The following PPP2R2B variants were observed in gnomAD, a reference collection of about 807,000 sequenced individuals.
PPP2R2B encodes the protein serine/threonine-protein phosphatase 2A 55 kDa regulatory subunit B beta isoform.
In PPP2R2B, 5 loss-of-function variants were observed where a neutral mutation model predicts 46.0. The ratio of observed to expected loss-of-function variants is 0.11; its 90% CI spans 0.06 to 0.23. The LOEUF is 0.23. Among genes scored for constraint, PPP2R2B ranks in the 10% least tolerant of loss-of-function variants. The probability of loss-of-function intolerance (pLI) is 1.00; values close to 1 mark genes in which losing one functional copy is unlikely to be tolerated. For missense variants in PPP2R2B, 367 were observed against 575.0 expected (o/e 0.64, Z 3.70); for synonymous variants, 215 against 206.7 (o/e 1.04, Z -0.34).
chr5:147,063,860 C>A (rs1043426684), intron 2 of PPP2R2B, among the ~76,000 whole-genome samples: 2 of 152,186 alleles, frequency 1.3e-5, no homozygotes, highest in Non-Finnish European at 2.9e-5. Flanking sequence ...TGTAGGCTAA[C>A]ACTTAGAGAT....
chr5:146,756,989 T>C (rs953829300), intron 2 of PPP2R2B, among the ~76,000 whole-genome samples: 3 of 151,926 alleles, frequency 2.0e-5, no homozygotes, highest in Admixed American at 1.3e-4. Context: ...CAATGGAGAG[T>C]GGAGCTAGAG....
At chr5:146,916,883 GC>G (rs546388257) in intron 1 of PPP2R2B, among the ~76,000 whole-genome samples, 2 of 152,070 alleles carry the variant, frequency 1.3e-5, no homozygotes, top group South Asian at 4.1e-4. Context: ...CCTCTTAATA[GC>G]TGTGTAACTT....
intron 1 of PPP2R2B, among the ~76,000 whole-genome samples, chr5:146,953,018 T>C (rs1010746320): frequency 2.6e-5 from 4 of 152,166 alleles, no homozygotes; most frequent in Non-Finnish European, 5.9e-5. Flanking sequence ...AGATAAAATA[T>C]GTAAAAATGA....
chr5:146,970,757 C>T (rs542260083), intron 1 of PPP2R2B, among the ~76,000 whole-genome samples: 37 of 152,272 alleles, frequency 2.4e-4, no homozygotes, highest in South Asian at 2.1e-4. Flanking sequence ...TTCTTAAAAA[C>T]TCCCTCACCA....
At chr5:146,676,820 T>C (rs1188132625) in intron 5 of PPP2R2B, among the ~76,000 whole-genome samples, 2 of 152,190 alleles carry the variant, frequency 1.3e-5, no homozygotes, top group Non-Finnish European at 2.9e-5. Context: ...GCTTGTGGAA[T>C]TAGTTTTTAA....
At chr5:146,885,185 C>T (rs1258968959) in intron 1 of PPP2R2B, among the ~76,000 whole-genome samples, 3 of 152,172 alleles carry the variant, frequency 2.0e-5, no homozygotes, top group Non-Finnish European at 2.9e-5. Flanking sequence ...TTTATTCTAA[C>T]AACAGCCTCT....
At chr5:147,005,495 G>A (rs1754394617) in intron 1 of PPP2R2B, among the ~76,000 whole-genome samples, 1 of 152,160 alleles carries the variant, frequency 6.6e-6, no homozygotes, top group African/African-American at 2.4e-5. Context: ...AACCTCTGGG[G>A]GAACCCCCAC....
At chr5:146,600,208 T>G (rs1771642541) in intron 8 of PPP2R2B, 83 bp downstream of exon 8, 1 of 1,484,086 alleles carries the variant, frequency 6.7e-7, no homozygotes, top group Non-Finnish European at 9.2e-7. Flanking sequence ...TTTGCTGCAC[T>G]GTAAACCTTT....
intron 2 of PPP2R2B, among the ~76,000 whole-genome samples, chr5:146,876,482 C>A (rs981554411): frequency 4.6e-5 from 7 of 152,216 alleles, no homozygotes; most frequent in African/African-American, 1.7e-4. Flanking sequence ...CCAAGGCCAA[C>A]TTCTCTCTTG....
At chr5:147,030,821 C>T (rs943907674) in intron 1 of PPP2R2B, among the ~76,000 whole-genome samples, 3 of 152,052 alleles carry the variant, frequency 2.0e-5, no homozygotes, top group East Asian at 1.9e-4. Context: ...CTTTACATGA[C>T]GTTATTATTT....
intron 5 of PPP2R2B, among the ~76,000 whole-genome samples, chr5:146,686,688 G>A (rs1481070673): frequency 1.3e-5 from 2 of 152,108 alleles, no homozygotes; most frequent in Admixed American, 6.6e-5. Context: ...TTTGTAACAG[G>A]TAAAAATGCC....
intron 2 of PPP2R2B, among the ~76,000 whole-genome samples, chr5:146,765,623 T>C (rs1343055576): frequency 6.6e-6 from 1 of 152,258 alleles, no homozygotes; most frequent in Non-Finnish European, 1.5e-5. Flanking sequence ...GCTTTGTTTC[T>C]TAACATCTAC....
At chr5:147,004,210 C>T (rs990089786) in intron 1 of PPP2R2B, among the ~76,000 whole-genome samples, 1 of 152,132 alleles carries the variant, frequency 6.6e-6, no homozygotes, top group Non-Finnish European at 1.5e-5. Flanking sequence ...AAAAGACTGT[C>T]CAATGAGAAA....
intron 2 of PPP2R2B, among the ~76,000 whole-genome samples, chr5:146,863,911 C>T (rs1409874086): frequency 6.6e-6 from 1 of 152,130 alleles, no homozygotes; most frequent in Non-Finnish European, 1.5e-5. Context: ...AGCCAATATA[C>T]TTTGAAAGTG....
At chr5:146,976,132 AT>A (rs1561551242) in intron 1 of PPP2R2B, among the ~76,000 whole-genome samples, 9 of 147,328 alleles carry the variant, frequency 6.1e-5, no homozygotes, top group African/African-American at 2.2e-4. Flanking sequence ...TATTATTATT[AT>A]TATTATTATT....
intron 2 of PPP2R2B, among the ~76,000 whole-genome samples, chr5:146,824,515 G>T (rs548946719): frequency 5.3e-5 from 8 of 152,246 alleles, no homozygotes; most frequent in African/African-American, 1.4e-4. Context: ...CATCACAGAA[G>T]AGGGTTGGCC....
chr5:146,657,078 C>T lies in PPP2R2B; in HGVS notation c.448-6354G>A, dbSNP rs186893028. ...TCCATGACACCTAAGTGGGGGTTGG[C>T]GGGTCACAGTGCCTTGCTTCAGAGA... On this transcript the variant is annotated intron_variant, in intron 5 of 9. Transcript: ENST00000394411. Among the ~76,000 whole-genome samples the T allele has an allele frequency of 1.6e-4, 25 of 152,280 alleles. No homozygotes were observed. The East Asian group carries it at 3.3e-3, about 20-fold the overall frequency.
chr5:146,993,876 ATAGT>A (rs1486037796), intron 1 of PPP2R2B, among the ~76,000 whole-genome samples: 1 of 152,148 alleles, frequency 6.6e-6, no homozygotes, highest in Non-Finnish European at 1.5e-5. Flanking sequence ...GGATACTATA[ATAGT>A]TAGTAGCTGT....
At chr5:146,761,528 T>G (rs1418981789) in intron 2 of PPP2R2B, among the ~76,000 whole-genome samples, 2 of 151,588 alleles carry the variant, frequency 1.3e-5, no homozygotes, top group Non-Finnish European at 2.9e-5. Flanking sequence ...GTGTGGGAAG[T>G]GGGGGGTGCA....
Sources: gnomAD v4.1 joint callset for allele counts (sites outside exome capture counted in the v4.1 genomes callset) on GRCh38, gnomAD v4.1.1 for gene constraint, MANE v1.5 for transcripts, NCBI Gene and HGNC (gene_info 2026-07-23, HGNC 2026-07-21) for gene names.